CLIP3: variants seen among roughly 807,000 people sequenced by gnomAD.
CLIP3 encodes CAP-Gly domain-containing linker protein 3.
A neutral mutation model predicts 59.4 loss-of-function variants in CLIP3; 15 were observed. That is an observed-to-expected ratio of 0.25 (90% CI 0.17 to 0.39). The LOEUF (loss-of-function observed/expected upper bound fraction) is 0.39, where lower values mean the gene tolerates loss of function less well. Ranked by LOEUF, CLIP3 falls within the 10% of genes least tolerant of loss-of-function variation. The pLI is 1.00. For missense variants in CLIP3, 495 were observed against 765.7 expected (o/e 0.65, Z 4.17); for synonymous variants, 300 against 321.6 (o/e 0.93, Z 0.72).
At chr19:36,017,543 G>C (rs1031164740) in intron 11 of CLIP3, 93 bp from the exon 12 acceptor site, 1 of 1,593,974 alleles carries the variant, frequency 6.3e-7, no homozygotes, top group South Asian at 1.1e-5. Flanking sequence ...GGAAAGGGCT[G>C]GGGGCTCGGG....
chr19:36,024,039 TGTCTCTGAGAGCAG>T (rs1182517606), intron 7 of CLIP3, among the ~76,000 whole-genome samples: 1 of 152,144 alleles, frequency 6.6e-6, no homozygotes, highest in Non-Finnish European at 1.5e-5. Context: ...TAGCCAGACT[TGTCTCTGAGAGCAG>T]AGGGGCCTGA....
chr19:36,026,850 C>A lies in CLIP3; in HGVS notation c.400+102G>T. The A allele has an allele frequency of 6.5e-7, 1 of 1,530,910 alleles. No individual in the cohort carries two copies. Among genetic ancestry groups the A allele is most frequent in the Non-Finnish European group, 8.8e-7 (1 of 1,141,070 alleles). The allele number at this position is 1,530,910 out of a possible 1,614,324, so 94.8% of individuals were successfully genotyped here. A position where few individuals can be genotyped will look rare whatever the true frequency, so the allele number is the denominator to read the frequency against. On this transcript the variant is annotated intron_variant, in intron 4 of 13. Transcript: ENST00000360535. The surrounding 1 kb of genome is among the most constrained non-coding windows in gnomAD (Gnocchi z 6.3). ...AGGGACTATACTTTGGGATCCGAAG[C>A]TTCGGGTTCCAGATGGGGCCTGAGT... is the stretch of plus-strand genomic sequence containing the variant.
At position 36,024,682 on chromosome 19, in the gene CLIP3, C is replaced by A. The variant is rs140378476; in HGVS notation, c.682-50G>T. On this transcript the variant is annotated intron_variant, in intron 6 of 13. Coordinates refer to ENST00000360535, the MANE Select transcript of CLIP3 (RefSeq NM_015526.3). ...CAGGGACTCAGTGGCACAGGTCACA[C>A]CCCCATGGAGGCCCTGCCCCTAGAG... 2.4e-3 allele frequency: 3,795 copies of A among 1,562,576 alleles called. 78 individuals carry two copies. In the African/African-American group the frequency reaches 0.043, roughly 18 times the overall value.
chr19:36,018,025 G>A lies in CLIP3; in HGVS notation c.1184-34C>T, dbSNP rs116152601. The A allele has an allele frequency of 6.7e-4, 1,073 of 1,610,364 alleles. 6 individuals carry two copies. In the African/African-American group the frequency reaches 0.013, roughly 20 times the overall value. On this transcript the variant is annotated intron_variant, in intron 9 of 13. Transcript: ENST00000360535. ...AGAAGGTGTAGGAGGTGGGTAGTGGGGCTGAGGCCAGCTTTGGGAACCTCG... is the reference window on the plus strand; with the variant it reads ...AGAAGGTGTAGGAGGTGGGTAGTGGAGCTGAGGCCAGCTTTGGGAACCTCG...
chr19:36,016,950 C>T lies in CLIP3; in HGVS notation c.1546G>A (p.Val516Ile). Residue 516 changes from valine to isoleucine, a missense_variant, in exon 13 of 14, where the codon GTC becomes ATC. Transcript: ENST00000360535. The surrounding 1 kb of genome is among the most constrained non-coding windows in gnomAD (Gnocchi z 4.1). ...GATGCAATGTCCTTTGGGGTCCGGACTGTGGTGAAGGTGCGTTTGGGCTGC... is the reference window on the plus strand; with the variant it reads ...GATGCAATGTCCTTTGGGGTCCGGATTGTGGTGAAGGTGCGTTTGGGCTGC... ...MTQPKRTFTT[V>I]RTPKDIASEN... 1 of 1,614,052 alleles carries T rather than the reference C, an allele frequency of 6.2e-7. No individual in the cohort carries two copies. Among genetic ancestry groups the T allele is most frequent in the Non-Finnish European group, 8.5e-7 (1 of 1,179,998 alleles).
At chr19:36,017,562 C>T in intron 11 of CLIP3, 93 bp downstream of exon 11, 3 of 1,601,824 alleles carry the variant, frequency 1.9e-6, no homozygotes, top group African/African-American at 1.3e-5. Flanking sequence ...GGGGTGTCCA[C>T]ACTGTCCTGC....
chr19:36,027,312 C>T (rs547929233), intron 2 of CLIP3, 41 bp from the exon 3 acceptor site: 5 of 1,551,182 alleles, frequency 3.2e-6, no homozygotes, highest in South Asian at 1.3e-5. Flanking sequence ...ACGCAACTGA[C>T]CCCCTCCTTC....
intron 7 of CLIP3, 45 bp downstream of exon 7, chr19:36,024,351 G>C (rs1568542289): frequency 6.5e-7 from 1 of 1,545,222 alleles, no homozygotes; most frequent in East Asian, 2.2e-5. Context: ...AAGGGGCTGA[G>C]TCCCACCCCC....
intron 2 of CLIP3, among the ~76,000 whole-genome samples, chr19:36,029,905 C>A (rs926906893): frequency 1.3e-5 from 2 of 152,158 alleles, no homozygotes; most frequent in Admixed American, 6.6e-5. Context: ...TCCCGCTCTA[C>A]AAGCAAGACT....
At chr19:36,019,556 G>A (rs770643988) in intron 7 of CLIP3, among the ~76,000 whole-genome samples, 2 of 151,788 alleles carry the variant, frequency 1.3e-5, no homozygotes, top group Admixed American at 6.6e-5. Flanking sequence ...ATAGTGAATA[G>A]TGACTAGCCA....
At position 36,017,377 on chromosome 19, in the gene CLIP3, C is replaced by G; in HGVS notation, c.1516+9G>C. 6.2e-7 allele frequency: 1 copy of G among 1,613,970 alleles called. No individual in the cohort carries two copies. The highest frequency in any genetic ancestry group is 8.5e-7 in the Non-Finnish European group (1 of 1,179,822). On this transcript the variant is annotated intron_variant, in intron 12 of 13. Coordinates refer to ENST00000360535, the MANE Select transcript of CLIP3 (RefSeq NM_015526.3). ...TACACTCCTCCCAACATATCATCCC[C>G]TAACTCACTTGTCACTTGATGCACT...
intron 7 of CLIP3, among the ~76,000 whole-genome samples, chr19:36,020,167 G>A (rs1027326463): frequency 6.6e-6 from 1 of 151,396 alleles, no homozygotes; most frequent in South Asian, 2.1e-4. Context: ...TGGGAGGATC[G>A]CTTGAGCCCA....
intron 12 of CLIP3, 101 bp from the exon 13 acceptor site, chr19:36,017,080 G>T: frequency 8.2e-7 from 1 of 1,220,738 alleles, no homozygotes; most frequent in Non-Finnish European, 1.2e-6. Context: ...CATGTCTCCA[G>T]TCCCCACCTG....
chr19:36,023,917 G>A (rs1022711731), intron 7 of CLIP3, among the ~76,000 whole-genome samples: 6 of 152,080 alleles, frequency 3.9e-5, no homozygotes, highest in Admixed American at 3.3e-4. Flanking sequence ...TGTGATACCC[G>A]CTCCCCCAAG....
intron 2 of CLIP3, among the ~76,000 whole-genome samples, chr19:36,031,720 T>C (rs916638537): frequency 1.3e-5 from 2 of 152,250 alleles, no homozygotes; most frequent in African/African-American, 4.8e-5. Context: ...AGCTTGTTTA[T>C]GGTAAATACA....
rs1968781991 is a variant in CLIP3 at position 36,015,860 on chromosome 19, T to A, written c.*298A>T. ...ATGCATTATGTGGAGAGGGTCACCA[T>A]CATTTGGGGTGATATGGAAATCTGT... On this transcript the variant is annotated 3_prime_UTR_variant, in exon 14 of 14. Coordinates refer to ENST00000360535, the MANE Select transcript of CLIP3 (RefSeq NM_015526.3). 6.2e-6 allele frequency: 3 copies of A among 484,926 alleles called. No individual in the cohort carries two copies. Among genetic ancestry groups the A allele is most frequent in the Non-Finnish European group, 1.1e-5 (3 of 264,432 alleles). 30.0% of individuals were successfully genotyped at this position (484,926 alleles called of 1,614,324 possible).
Position 36,014,926 on chromosome 19 carries a change from G to A in CLIP3, c.*1232C>T, listed in dbSNP as rs1382198726. ...TTGGGGCCTTCCATTTATTAGAGAT[G>A]GAGGCTTTAGGATTTGGGGTTCCCT... On this transcript the variant is annotated 3_prime_UTR_variant, in exon 14 of 14. Coordinates refer to ENST00000360535, the MANE Select transcript of CLIP3 (RefSeq NM_015526.3). The A allele has an allele frequency of 6.6e-6, 1 of 152,294 alleles. No homozygotes were observed. The highest frequency in any genetic ancestry group is 2.0e-4 in the South Asian group (1 of 4,892). 9.4% of individuals were successfully genotyped at this position (152,294 alleles called of 1,614,324 possible).
intron 2 of CLIP3, among the ~76,000 whole-genome samples, chr19:36,028,528 C>T (rs181227803): frequency 5.3e-5 from 8 of 152,230 alleles, no homozygotes; most frequent in African/African-American, 1.7e-4. Context: ...GAACTCAGTG[C>T]GTGGTGAATG....
rs533931822 is a variant in CLIP3, at chr19:36,014,896, G to A, written c.*1262C>T. The A allele has an allele frequency of 6.6e-6, 1 of 152,604 alleles. No homozygotes were observed. The highest frequency in any genetic ancestry group is 2.4e-5 in the African/African-American group (1 of 41,584). The allele number at this position is 152,604 out of a possible 1,614,324, so 9.5% of individuals were successfully genotyped here. A position where few individuals can be genotyped will look rare whatever the true frequency, so the allele number is the denominator to read the frequency against. On this transcript the variant is annotated 3_prime_UTR_variant, in exon 14 of 14. Coordinates refer to ENST00000360535, the MANE Select transcript of CLIP3 (RefSeq NM_015526.3). Reference sequence around the variant, plus strand: ...GGTTCCAGGATTTGAGATCCCCTCAGGGCCTTGGGGCCTTCCATTTATTAG... The same window carrying A: ...GGTTCCAGGATTTGAGATCCCCTCAAGGCCTTGGGGCCTTCCATTTATTAG...
Sources: gnomAD v4.1 joint callset for allele counts (sites outside exome capture counted in the v4.1 genomes callset) on GRCh38, gnomAD v4.1.1 for gene constraint, Gnocchi (gnomAD v3.1) non-coding constraint, MANE v1.5 for transcripts, NCBI Gene and HGNC (gene_info 2026-07-23, HGNC 2026-07-21) for gene names.